Variants in PRKDC observed in about 807,000 individuals in gnomAD.
The protein encoded by PRKDC is protein kinase, DNA-activated, catalytic subunit.
In PRKDC, 82 loss-of-function variants were observed where a neutral mutation model predicts 486.9. That is an observed-to-expected ratio of 0.17 (90% CI 0.14 to 0.20). The LOEUF (loss-of-function observed/expected upper bound fraction) is 0.20. Ranked by LOEUF, PRKDC falls within the 10% of genes least tolerant of loss-of-function variation. The pLI, the probability that PRKDC is intolerant of heterozygous loss-of-function variation, is 1.00. For missense variants in PRKDC, 4,504 were observed against 5,038.2 expected, an observed-to-expected ratio of 0.89 and a Z score of 3.21; for synonymous variants, 1,895 against 1,837.0, an observed-to-expected ratio of 1.03 and a Z score of -0.81.
At position 47,936,341 on chromosome 8, in the gene PRKDC, T is replaced by C. The variant is rs763386831; in HGVS notation, c.1278+12A>G. On this transcript the variant is annotated intron_variant, in intron 12 of 85. Transcript: ENST00000314191. The stretch of plus-strand genomic sequence containing the variant: ...TAAATACTTAAAATTGTGCTCAGTT[T>C]AGTTCACTTACTGTGTCAAGGTACA... 1 of 1,598,170 alleles carries C rather than the reference T, an allele frequency of 6.3e-7. No individual in the cohort carries two copies. The highest frequency in any genetic ancestry group is 1.3e-5 in the African/African-American group (1 of 74,246).
At chr8:47,808,737 T>C (rs535596718) in intron 68 of PRKDC, among the ~76,000 whole-genome samples, 2 of 152,300 alleles carry the variant, frequency 1.3e-5, no homozygotes, top group South Asian at 4.1e-4. Context: ...AGGGCCCTAA[T>C]ATACAAAGCT....
chr8:47,890,682 C>G (rs2089438842), intron 31 of PRKDC, among the ~76,000 whole-genome samples: 1 of 152,126 alleles, frequency 6.6e-6, no homozygotes, highest in Admixed American at 6.5e-5. Context: ...GATGGAAAGT[C>G]AGGTCTTTAT....
In PRKDC at chr8:47,777,798, G is replaced by A. The variant is rs200248112; in HGVS notation, c.11930C>T (p.Thr3977Met). 2.5e-6 allele frequency: 4 copies of A among 1,613,968 alleles called. No homozygotes were observed. Among genetic ancestry groups the A allele is most frequent in the East Asian group, 2.2e-5 (1 of 44,882 alleles). The change falls in exon 84 of 86, where the codon ACG (threonine) becomes ATG (methionine). Residue 3977 changes from threonine (T) to methionine (M), a missense_variant. By Grantham distance (81) the Thr-to-Met change is moderately conservative. Around this residue, in one of 6 missense-constraint regions of PRKDC, gnomAD observed 706 missense variants for 945.0 expected, o/e 0.75. Transcript: ENST00000314191. ...TACCATGATGCTGTACATAAGGCCC[G>A]TTTCTTTCATTGGTAACATCAGATT... ...FINLMLPMKE[T>M]GLMYSIMVHA...
intron 68 of PRKDC, among the ~76,000 whole-genome samples, chr8:47,816,372 T>C: frequency 6.6e-6 from 1 of 152,224 alleles, no homozygotes; most frequent in Non-Finnish European, 1.5e-5. Flanking sequence ...GTGGCAGTAT[T>C]AGGACACACA....
At chr8:47,860,861 G>A (rs568138354) in intron 45 of PRKDC, 38 bp downstream of exon 45, 3 of 1,498,988 alleles carry the variant, frequency 2.0e-6, no homozygotes, top group Non-Finnish European at 2.8e-6. Context: ...ATAACCCATC[G>A]ATTTGAATCC....
chr8:47,896,627 A>G (rs377661588), intron 30 of PRKDC, among the ~76,000 whole-genome samples: 2 of 151,564 alleles, frequency 1.3e-5, no homozygotes, highest in African/African-American at 4.8e-5. Context: ...AGCCTGGGCA[A>G]AAGAGCGAGA....
At chr8:47,891,385 A>G (rs560161497) in intron 31 of PRKDC, among the ~76,000 whole-genome samples, 3 of 152,336 alleles carry the variant, frequency 2.0e-5, no homozygotes, top group South Asian at 4.1e-4. Flanking sequence ...TTTTGATAAC[A>G]TGTATTTTGA....
intron 21 of PRKDC, among the ~76,000 whole-genome samples, chr8:47,922,691 G>A (rs1486846171): frequency 6.6e-6 from 1 of 152,104 alleles, no homozygotes; most frequent in Non-Finnish European, 1.5e-5. Flanking sequence ...TCTCTTTCCA[G>A]AATTAGGACT....
At chr8:47,934,177 C>G in intron 14 of PRKDC, 87 bp from the exon 15 acceptor site, 1 of 1,413,532 alleles carries the variant, frequency 7.1e-7, no homozygotes, top group Non-Finnish European at 9.5e-7. Flanking sequence ...TCAGAATTTT[C>G]TAAATTAAAC....
At chr8:47,879,396 G>T in intron 39 of PRKDC, 95 bp downstream of exon 39, 1 of 1,183,496 alleles carries the variant, frequency 8.4e-7, no homozygotes, top group Non-Finnish European at 1.2e-6. Context: ...CAACTTCTCT[G>T]ATTGTGGATA....
At chr8:47,862,606 A>G in intron 42 of PRKDC, 65 bp from the exon 43 acceptor site, 2 of 1,459,136 alleles carry the variant, frequency 1.4e-6, no homozygotes, top group Non-Finnish European at 9.2e-7. Flanking sequence ...AAGCCCAACA[A>G]TGCCAGACAA....
chr8:47,845,598 AAAACAAAC>A (rs535986915), intron 54 of PRKDC, among the ~76,000 whole-genome samples: 16 of 152,146 alleles, frequency 1.1e-4, no homozygotes, highest in Admixed American at 4.6e-4. Flanking sequence ...CCAGAAATTA[AAAACAAAC>A]AAACAAACAA....
chr8:47,931,231 T>C (rs2090245832), intron 16 of PRKDC, among the ~76,000 whole-genome samples: 1 of 152,234 alleles, frequency 6.6e-6, no homozygotes, highest in African/African-American at 2.4e-5. Context: ...GTCACCAAAT[T>C]TGTGTTACCA....
rs866417127 is a variant in PRKDC at position 47,839,001 on chromosome 8, C to G, written c.7553+147G>C. 24 of 640,080 alleles carry G rather than the reference C, an allele frequency of 3.7e-5. No individual in the cohort carries two copies. In the Middle Eastern group the frequency reaches 1.5e-3, roughly 40 times the overall value. The allele number at this position is 640,080 out of a possible 1,614,324, so 39.7% of individuals were successfully genotyped here. ...ACTCTTCATAATGTGCTTTAAAATA[C>G]TCTTTTACTAAATATTGTGAAATGC... On this transcript the variant is annotated intron_variant, in intron 56 of 85. Transcript: ENST00000314191.
chr8:47,784,462 T>C (rs1443991886), intron 77 of PRKDC, among the ~76,000 whole-genome samples: 1 of 152,172 alleles, frequency 6.6e-6, no homozygotes, highest in Non-Finnish European at 1.5e-5. Flanking sequence ...ATAGTCATTA[T>C]TAATAACAAA....
intron 61 of PRKDC, 122 bp downstream of exon 61, chr8:47,830,483 G>A (rs1589726597): frequency 1.5e-6 from 2 of 1,366,444 alleles, no homozygotes; most frequent in Non-Finnish European, 2.0e-6. Context: ...CACCGTTGAG[G>A]ACAAACCAAC....
chr8:47,808,676 A>T (rs2087263964), intron 68 of PRKDC, among the ~76,000 whole-genome samples: 1 of 152,144 alleles, frequency 6.6e-6, no homozygotes, highest in African/African-American at 2.4e-5. Flanking sequence ...ATTTACATGT[A>T]TGATTCTGTC....
chr8:47,918,363 C>G lies in PRKDC; in HGVS notation c.2440G>C (p.Glu814Gln). Residue 814 changes from glutamate to glutamine, a missense_variant, in exon 22 of 86, where the codon GAA (glutamate) becomes CAA (glutamine). Around this residue, in one of 6 missense-constraint regions of PRKDC, gnomAD observed 1,969 missense variants for 2,068.9 expected, o/e 0.95. Coordinates refer to ENST00000314191, the MANE Select transcript of PRKDC (RefSeq NM_006904.7). ...ALSDETKNNW[E>Q]VSALSRAAQK... is the part of the protein sequence containing the mutation. ...GCAGCCCGAGAAAGAGCTGACACTT[C>G]CCAGTTATTCTTGGTCTCATCTATC... 6.3e-7 allele frequency: 1 copy of G among 1,583,766 alleles called. No homozygotes were observed. Among genetic ancestry groups the G allele is most frequent in the Non-Finnish European group, 8.6e-7 (1 of 1,163,872 alleles).
At chr8:47,905,722 C>T (rs886508788) in intron 25 of PRKDC, among the ~76,000 whole-genome samples, 1 of 152,130 alleles carries the variant, frequency 6.6e-6, no homozygotes, top group African/African-American at 2.4e-5. Context: ...CCCACTGCTG[C>T]CAAAAGGAGG....
Sources: allele counts gnomAD v4.1 joint callset (sites outside exome capture counted in the v4.1 genomes callset), GRCh38; gene constraint gnomAD v4.1.1; regional missense constraint gnomAD v4.1.1; transcripts MANE v1.5; gene names NCBI Gene and HGNC (gene_info 2026-07-23, HGNC 2026-07-21).